Variants in PGM1 observed in about 807,000 individuals in gnomAD.
PGM1 encodes the protein phosphoglucomutase-1.
A neutral mutation model predicts 55.6 loss-of-function variants in PGM1; 52 were observed. That is an observed-to-expected ratio of 0.94 (90% CI 0.75 to 1.18). PGM1 has a LOEUF of 1.18. Ranked by LOEUF, PGM1 falls within the 50% of genes most tolerant of loss-of-function variation. PGM1 has a pLI of 0.00. For missense variants in PGM1, 724 were observed against 729.3 expected, an observed-to-expected ratio of 0.99 and a Z score of 0.08; for synonymous variants, 287 against 271.7, an observed-to-expected ratio of 1.06 and a Z score of -0.55.
rs183501769 is a variant in PGM1, at chr1:63,605,352, A to G, written c.246+11618A>G. On this transcript the variant is annotated intron_variant, in intron 1 of 10. Coordinates refer to ENST00000371084, the MANE Select transcript of PGM1 (RefSeq NM_002633.3). ...TCCTGATCAGTTCCATGTGCTGGTA[A>G]TCACAGTGAAAGTTCTCACCTAGAT... is the stretch of plus-strand genomic sequence containing the variant. 3.7e-3 allele frequency among the ~76,000 whole-genome samples: 565 copies of G among 152,260 alleles called. 3 individuals carry two copies. The highest frequency in any genetic ancestry group is 6.6e-3 in the Non-Finnish European group (450 of 68,006).
chr1:63,623,446 C>A (rs369562604), intron 1 of PGM1: 3 of 1,608,298 alleles, frequency 1.9e-6, no homozygotes, highest in Non-Finnish European at 8.5e-7. Context: ...CTGAGCCAGT[C>A]GGTGGAAGTG....
At chr1:63,615,391 A>G (rs945898742) in intron 1 of PGM1, among the ~76,000 whole-genome samples, 2 of 152,150 alleles carry the variant, frequency 1.3e-5, no homozygotes, top group African/African-American at 4.8e-5. Flanking sequence ...CTGGCTTACA[A>G]GGACCCCATC....
At chr1:63,621,959 A>T (rs1648888857) in intron 1 of PGM1, among the ~76,000 whole-genome samples, 1 of 152,096 alleles carries the variant, frequency 6.6e-6, no homozygotes, top group African/African-American at 2.4e-5. Context: ...CTACTTTCGG[A>T]TGCTACTTGA....
chr1:63,620,481 C>T (rs1648852026), intron 1 of PGM1, among the ~76,000 whole-genome samples: 1 of 152,198 alleles, frequency 6.6e-6, no homozygotes, highest in Non-Finnish European at 1.5e-5. Context: ...CTTATGCCCA[C>T]TCCTGGGACA....
At chr1:63,621,202 A>G (rs1161701418) in intron 1 of PGM1, among the ~76,000 whole-genome samples, 1 of 151,924 alleles carries the variant, frequency 6.6e-6, no homozygotes, top group East Asian at 1.9e-4. Context: ...CATGCCTGGC[A>G]TGTGTCGTTG....
chr1:63,594,118 A>G, intron 1 of PGM1: 1 of 1,008,846 alleles, frequency 9.9e-7, no homozygotes, highest in Non-Finnish European at 1.2e-6. Context: ...ATTACGGCGC[A>G]GAGTGCTGTC....
chr1:63,633,926 ATATATATTTTTTTT>A (rs1649281537), intron 4 of PGM1, among the ~76,000 whole-genome samples: 2 of 64,804 alleles, frequency 3.1e-5, no homozygotes, highest in African/African-American at 9.6e-5. Flanking sequence ...GTGTATATAT[ATATATATTTTTTTT>A]TTTTTTTTTT....
chr1:63,636,818 A>G (rs537669947), intron 6 of PGM1, among the ~76,000 whole-genome samples: 1 of 152,232 alleles, frequency 6.6e-6, no homozygotes, highest in Non-Finnish European at 1.5e-5. Context: ...CAATGGAAGT[A>G]CTCAAGACAT....
chr1:63,611,764 G>A (rs1158026903), intron 1 of PGM1, among the ~76,000 whole-genome samples: 2 of 152,258 alleles, frequency 1.3e-5, no homozygotes, highest in Non-Finnish European at 2.9e-5. Flanking sequence ...TTAGCTGGGT[G>A]TGGTGGCACA....
chr1:63,633,902 GTGTGTGTGTGTGTGTGTATA>G (rs1376317049), intron 4 of PGM1, among the ~76,000 whole-genome samples: 1 of 38,990 alleles, frequency 2.6e-5, no homozygotes, highest in African/African-American at 1.5e-4. Flanking sequence ...GTGTGTGTGT[GTGTGTGTGTGTGTGTGTATA>G]TATATATATA....
At chr1:63,595,639 T>TTTCA (rs943992972) in intron 1 of PGM1, among the ~76,000 whole-genome samples, 5 of 152,024 alleles carry the variant, frequency 3.3e-5, no homozygotes, top group African/African-American at 1.2e-4. Context: ...TGAATTTGCA[T>TTTCA]TTCATTCATT....
At chr1:63,658,175 C>T (rs904616437) in intron 10 of PGM1, among the ~76,000 whole-genome samples, 2 of 152,144 alleles carry the variant, frequency 1.3e-5, no homozygotes, top group Non-Finnish European at 2.9e-5. Context: ...AGTTGATTCT[C>T]CTTTTCCAGG....
At chr1:63,612,083 C>T (rs1648581924) in intron 1 of PGM1, among the ~76,000 whole-genome samples, 1 of 151,768 alleles carries the variant, frequency 6.6e-6, no homozygotes, top group African/African-American at 2.4e-5. Flanking sequence ...ATGGTGAAGC[C>T]CCATCTCTAC....
intron 1 of PGM1, among the ~76,000 whole-genome samples, chr1:63,594,986 G>T (rs1185958928): frequency 7.1e-6 from 1 of 139,994 alleles, no homozygotes; most frequent in Non-Finnish European, 1.6e-5. Flanking sequence ...GAAAAAAAAA[G>T]TGGATTGATA....
At chr1:63,595,027 A>C (rs1359529164) in intron 1 of PGM1, among the ~76,000 whole-genome samples, 1 of 151,654 alleles carries the variant, frequency 6.6e-6, no homozygotes, top group Non-Finnish European at 1.5e-5. Context: ...TTACTTTTGT[A>C]AAACATTTCT....
At chr1:63,634,321 A>T (rs1649303495) in intron 4 of PGM1, among the ~76,000 whole-genome samples, 1 of 152,172 alleles carries the variant, frequency 6.6e-6, no homozygotes, top group Non-Finnish European at 1.5e-5. Context: ...TAATCCTTAC[A>T]TCAATCCTGT....
At chr1:63,603,981 C>A (rs1415261404) in intron 1 of PGM1, among the ~76,000 whole-genome samples, 1 of 152,182 alleles carries the variant, frequency 6.6e-6, no homozygotes, top group Non-Finnish European at 1.5e-5. Context: ...ATTCTTGATG[C>A]TACTCAGAGT....
intron 7 of PGM1, among the ~76,000 whole-genome samples, chr1:63,647,013 C>T (rs1009061957): frequency 5.3e-5 from 8 of 151,750 alleles, no homozygotes; most frequent in African/African-American, 1.5e-4. Flanking sequence ...GAGGCCGAGG[C>T]GGATGGATCA....
chr1:63,638,286 C>T (rs1342069816), intron 6 of PGM1, among the ~76,000 whole-genome samples: 1 of 152,164 alleles, frequency 6.6e-6, no homozygotes, highest in African/African-American at 2.4e-5. Flanking sequence ...ATGCTAACTG[C>T]CCAGACCCAG....
Sources: gnomAD v4.1 joint callset for allele counts (sites outside exome capture counted in the v4.1 genomes callset) on GRCh38, gnomAD v4.1.1 for gene constraint, MANE v1.5 for transcripts, NCBI Gene and HGNC (gene_info 2026-07-23, HGNC 2026-07-21) for gene names.